The following RNF157 variants were observed in gnomAD, a reference collection of about 807,000 sequenced individuals.
RNF157 encodes the protein E3 ubiquitin ligase RNF157.
A neutral mutation model predicts 88.3 loss-of-function variants in RNF157; 55 were observed. The ratio of observed to expected loss-of-function variants is 0.62; its 90% CI spans 0.50 to 0.78. The LOEUF is 0.78. Among genes scored for constraint, RNF157 ranks in the 30% least tolerant of loss-of-function variants. The pLI, the probability that RNF157 is intolerant of heterozygous loss-of-function variation, is 0.00. For missense variants in RNF157, 788 were observed against 860.8 expected (o/e 0.92, Z 1.06); for synonymous variants, 334 against 341.2 (o/e 0.98, Z 0.23).
In RNF157 at chr17:76,157,157, G is replaced by A. The variant is rs906868019; in HGVS notation, c.1414-836C>T. ...AATTTTTTGTATTTTTAGTAGAGAC[G>A]GGGTTTCACCATGTTAGCCAGGATG... is the stretch of plus-strand genomic sequence containing the variant. On this transcript the variant is annotated intron_variant, in intron 13 of 18. Coordinates refer to ENST00000269391, the MANE Select transcript of RNF157 (RefSeq NM_052916.3). The surrounding 1 kb of genome is among the most constrained non-coding windows in gnomAD (Gnocchi z 5.6). Among the ~76,000 whole-genome samples the A allele has an allele frequency of 3.9e-5, 6 of 152,024 alleles. No homozygotes were observed. Among genetic ancestry groups the A allele is most frequent in the Admixed American group, 2.0e-4 (3 of 15,258 alleles).
At chr17:76,221,132 G>C (rs2069976182) in intron 1 of RNF157, among the ~76,000 whole-genome samples, 1 of 151,746 alleles carries the variant, frequency 6.6e-6, no homozygotes, top group African/African-American at 2.4e-5. Flanking sequence ...AAAAAGAAAA[G>C]GTAGATGAGG....
intron 1 of RNF157, among the ~76,000 whole-genome samples, chr17:76,228,798 G>A (rs1036975396): frequency 1.3e-5 from 2 of 152,058 alleles, no homozygotes; most frequent in African/African-American, 4.8e-5. Flanking sequence ...GTGGGCGCCT[G>A]TAATCCCAGC....
chr17:76,177,314 C>T (rs115289827), intron 2 of RNF157, among the ~76,000 whole-genome samples: 1 of 150,344 alleles, frequency 6.7e-6, no homozygotes, highest in Non-Finnish European at 1.5e-5. Flanking sequence ...TCCCACCCCC[C>T]CGCCCCAGCA....
intron 1 of RNF157, among the ~76,000 whole-genome samples, chr17:76,234,990 A>G (rs2070256961): frequency 6.6e-6 from 1 of 152,224 alleles, no homozygotes; most frequent in East Asian, 1.9e-4. Context: ...TTTCTGGTTC[A>G]TAACTCTGTT....
chr17:76,160,664 G>A lies in RNF157; in HGVS notation c.1065+871C>T, dbSNP rs890353302. Among the ~76,000 whole-genome samples the A allele has an allele frequency of 1.3e-5, 2 of 151,904 alleles. No homozygotes were observed. Among genetic ancestry groups the A allele is most frequent in the African/African-American group, 4.8e-5 (2 of 41,334 alleles). On this transcript the variant is annotated intron_variant, in intron 11 of 18. Transcript: ENST00000269391. The surrounding 1 kb of genome is among the most constrained non-coding windows in gnomAD (Gnocchi z 4.3). ...TAGCTTTTCCTCTGATACACACATT[G>A]TAAATAGTTTTTAAAAAAACACTAT... is the stretch of plus-strand genomic sequence containing the variant.
chr17:76,220,957 CA>C (rs35782875), intron 1 of RNF157, among the ~76,000 whole-genome samples: 64,063 of 138,178 alleles, frequency 0.46, 13,909 homozygotes, highest in African/African-American at 0.49. Context: ...GATGCTGTCT[CA>C]AAAAAAAAAA....
intron 2 of RNF157, among the ~76,000 whole-genome samples, chr17:76,192,056 A>T (rs1174142821): frequency 6.6e-6 from 1 of 152,244 alleles, no homozygotes; most frequent in Non-Finnish European, 1.5e-5. Flanking sequence ...ATGCAAAACC[A>T]GTAAGTATAG....
chr17:76,176,298 G>A lies in RNF157; in HGVS notation c.208-2508C>T, dbSNP rs755589202. Among the ~76,000 whole-genome samples the A allele has an allele frequency of 7.9e-5, 12 of 152,184 alleles. No individual in the cohort carries two copies. Among genetic ancestry groups the A allele is most frequent in the Admixed American group, 1.3e-4 (2 of 15,280 alleles). ...AAGGAAGTGATCATTTCTGGCTGAG[G>A]TAATCTGAAGGCTTCATGGAGGAGT... On this transcript the variant is annotated intron_variant, in intron 2 of 18. Transcript: ENST00000269391. This position sits in a 1 kb window ranked among gnomAD's most constrained non-coding sequence, Gnocchi z 4.2.
At chr17:76,216,139 C>G (rs1267747745) in intron 1 of RNF157, among the ~76,000 whole-genome samples, 1 of 152,036 alleles carries the variant, frequency 6.6e-6, no homozygotes, top group African/African-American at 2.4e-5. Context: ...TTGCCCAAAT[C>G]ATGAAAAAAG....
chr17:76,203,929 G>A (rs968016343), intron 2 of RNF157, among the ~76,000 whole-genome samples: 42 of 151,766 alleles, frequency 2.8e-4, no homozygotes, highest in Admixed American at 2.7e-3. Context: ...CACCATGCTC[G>A]GCTAATTTTT....
chr17:76,180,770 A>G (rs914841056), intron 2 of RNF157, among the ~76,000 whole-genome samples: 2 of 152,068 alleles, frequency 1.3e-5, no homozygotes, highest in South Asian at 2.1e-4. Flanking sequence ...GAAATTTACT[A>G]TCTCAATCAT....
At chr17:76,220,300 G>A (rs1318901042) in intron 1 of RNF157, among the ~76,000 whole-genome samples, 3 of 150,274 alleles carry the variant, frequency 2.0e-5, no homozygotes, top group African/African-American at 2.4e-5. Context: ...AGAGGTTCCC[G>A]CAGAGCAAAG....
chr17:76,185,619 G>A (rs1297379145), intron 2 of RNF157, among the ~76,000 whole-genome samples: 1 of 151,662 alleles, frequency 6.6e-6, no homozygotes, highest in Non-Finnish European at 1.5e-5. Context: ...ACAGGCACCC[G>A]CTACCACGCC....
chr17:76,190,679 G>C (rs1452684620), intron 2 of RNF157, among the ~76,000 whole-genome samples: 1 of 151,860 alleles, frequency 6.6e-6, no homozygotes, highest in Non-Finnish European at 1.5e-5. Flanking sequence ...CAGCACTTTG[G>C]GAGGCCGAGA....
chr17:76,154,052 C>T, intron 17 of RNF157: 1 of 529,610 alleles, frequency 1.9e-6, no homozygotes, highest in Non-Finnish European at 3.4e-6. Context: ...TCCTGCAGCA[C>T]CCGCACCTGA....
intron 6 of RNF157, among the ~76,000 whole-genome samples, chr17:76,166,252 C>T (rs774314513): frequency 1.3e-4 from 19 of 151,530 alleles, no homozygotes; most frequent in Admixed American, 7.9e-4. Context: ...TGGGATTATA[C>T]GTGTGAGCCA....
At position 76,145,102 on chromosome 17, in the gene RNF157, T is replaced by G. The variant is rs544922835; in HGVS notation, c.*133A>C. The G allele has an allele frequency of 9.0e-4, 551 of 613,492 alleles. 10 individuals are homozygous for G. The Admixed American group carries it at 0.013, about 15-fold the overall frequency. 38.0% of individuals were successfully genotyped at this position (613,492 alleles called of 1,614,324 possible). On this transcript the variant is annotated 3_prime_UTR_variant, in exon 19 of 19. Coordinates refer to ENST00000269391, the MANE Select transcript of RNF157 (RefSeq NM_052916.3). Reference sequence around the variant, plus strand: ...CCTCTGAGAGGTGAGGGATTGTGGTTACAGGTTGTAACAGCTGTCACAGGA... The same window carrying G: ...CCTCTGAGAGGTGAGGGATTGTGGTGACAGGTTGTAACAGCTGTCACAGGA...
chr17:76,148,146 A>G (rs932382739), intron 18 of RNF157, among the ~76,000 whole-genome samples: 6 of 152,002 alleles, frequency 3.9e-5, no homozygotes, highest in African/African-American at 1.2e-4. Context: ...AGAGAATTCA[A>G]TTTCAGGTCT....
chr17:76,226,314 G>A, intron 1 of RNF157: 1 of 1,607,416 alleles, frequency 6.2e-7, no homozygotes, highest in Non-Finnish European at 8.5e-7. Flanking sequence ...CCTGGGGAAA[G>A]GGGAAGAAGT....
Sources: allele counts gnomAD v4.1 joint callset (sites outside exome capture counted in the v4.1 genomes callset), GRCh38; gene constraint gnomAD v4.1.1; non-coding constraint Gnocchi (gnomAD v3.1); transcripts MANE v1.5; gene names NCBI Gene and HGNC (gene_info 2026-07-23, HGNC 2026-07-21).